The following LRPPRC variants were observed in gnomAD, a reference collection of about 807,000 sequenced individuals.
LRPPRC encodes the protein leucine-rich PPR motif-containing protein, mitochondrial.
In LRPPRC, 120 loss-of-function variants were observed where a neutral mutation model predicts 180.3. That is an observed-to-expected ratio of 0.67 (90% CI 0.57 to 0.77). LRPPRC has a LOEUF of 0.77. LRPPRC is among the 30% of genes least tolerant of loss of function. The probability of loss-of-function intolerance (pLI) is 0.00; values close to 1 mark genes in which losing one functional copy is unlikely to be tolerated. For missense variants in LRPPRC, 2,012 were observed against 1,657.2 expected (o/e 1.21, Z -3.72); for synonymous variants, 723 against 600.0 (o/e 1.21, Z -3.00).
rs992080738 is a variant in LRPPRC, at chr2:43,995,989, G to A, written c.-42C>T. On this transcript the variant is annotated 5_prime_UTR_variant, in exon 1 of 38. Transcript: ENST00000260665. ...CAGCGGGAAGCACGCTCCGCCAGAAGGACAGGAGGAGCATGTGACCGCAGG... is the reference window on the plus strand; with the variant it reads ...CAGCGGGAAGCACGCTCCGCCAGAAAGACAGGAGGAGCATGTGACCGCAGG... The A allele has an allele frequency of 1.9e-5, 29 of 1,521,118 alleles. No individual in the cohort carries two copies. Among genetic ancestry groups the A allele is most frequent in the Middle Eastern group, 2.1e-4 (1 of 4,852 alleles). The allele number at this position is 1,521,118 out of a possible 1,614,324, so 94.2% of individuals were successfully genotyped here.
rs1000510327 is a variant in LRPPRC, at chr2:43,976,333, T to C, written c.651-104A>G. ...AGTTACTTTTGTTTTTAAAATATAA[T>C]AGTAATATACATTTGTTTTAGAAAC... On this transcript the variant is annotated intron_variant, in intron 5 of 37. Coordinates refer to ENST00000260665, the MANE Select transcript of LRPPRC (RefSeq NM_133259.4). 2.7e-5 allele frequency: 19 copies of C among 706,216 alleles called. No homozygotes were observed. In the South Asian group the frequency reaches 2.8e-4, roughly 10 times the overall value. The allele number at this position is 706,216 out of a possible 1,614,324, so 43.7% of individuals were successfully genotyped here.
chr2:43,986,010 G>C (rs925476588), intron 1 of LRPPRC, among the ~76,000 whole-genome samples: 2 of 152,190 alleles, frequency 1.3e-5, no homozygotes, highest in African/African-American at 2.4e-5. Context: ...TTGCCATTCC[G>C]ATAGTGGTAT....
chr2:43,991,618 C>A (rs1050930286), intron 1 of LRPPRC, among the ~76,000 whole-genome samples: 2 of 152,122 alleles, frequency 1.3e-5, no homozygotes, highest in African/African-American at 4.8e-5. Flanking sequence ...TGTGACAAAG[C>A]AAGAGTATTT....
chr2:43,976,178 T>A lies in LRPPRC; in HGVS notation c.702A>T (p.Val234=). ...KTKDLPVTEA[V]FSALVTGHAR... ...CATGCCCTGTCACAAGGGCACTGAA[T>A]ACTGCCTCTGTAACTGGGAGATCCT... is the stretch of plus-strand genomic sequence containing the variant. Residue 234 remains valine, a synonymous_variant, in exon 6 of 38, where the codon GTA becomes GTT. Transcript: ENST00000260665. 2 of 1,613,006 alleles carry A rather than the reference T, an allele frequency of 1.2e-6. No individual in the cohort carries two copies. The highest frequency in any genetic ancestry group is 2.2e-5 in the South Asian group (2 of 91,052).
intron 7 of LRPPRC, 30 bp from the exon 8 acceptor site, chr2:43,974,788 AAGTT>A: frequency 6.2e-7 from 1 of 1,606,266 alleles, no homozygotes; most frequent in Non-Finnish European, 8.5e-7. Flanking sequence ...TTAGAAGACA[AAGTT>A]AGAGTGTTTT....
chr2:43,974,525 C>T, intron 8 of LRPPRC, 89 bp downstream of exon 8: 2 of 973,306 alleles, frequency 2.1e-6, no homozygotes, highest in South Asian at 1.4e-5. Context: ...TCCCACAATG[C>T]CCATTGTTAG....
rs185743894 is a variant in LRPPRC at position 43,912,200 on chromosome 2, G to C, written c.3275+232C>G. ...TGGATATCTTAAATGAATTGTGATGGAATATAACTTAGTAAGCAAAATGTA... is the reference window on the plus strand; with the variant it reads ...TGGATATCTTAAATGAATTGTGATGCAATATAACTTAGTAAGCAAAATGTA... On this transcript the variant is annotated intron_variant, in intron 30 of 37. Coordinates refer to ENST00000260665, the MANE Select transcript of LRPPRC (RefSeq NM_133259.4). Among the ~76,000 whole-genome samples, 1,221 of 152,170 alleles carry C rather than the reference G, an allele frequency of 8.0e-3. 9 individuals are homozygous for C. Among genetic ancestry groups the C allele is most frequent in the Middle Eastern group, 0.014 (4 of 294 alleles).
chr2:43,918,224 A>T, intron 28 of LRPPRC, 32 bp downstream of exon 28: 1 of 1,610,230 alleles, frequency 6.2e-7, no homozygotes, highest in African/African-American at 1.3e-5. Context: ...ACTGACAACA[A>T]AATCTGTTAC....
At position 43,931,682 on chromosome 2, in the gene LRPPRC, GGA is replaced by G. The variant is rs562913793; in HGVS notation, c.2736+2506_2736+2507del. On this transcript the variant is annotated intron_variant, in intron 25 of 37. Transcript: ENST00000260665. ...TCATCTCAAATGCTATGTAAATGAC[GGA>G]GAGAGACCTGAGTTAACAGAAAATA... Among the ~76,000 whole-genome samples, 236 of 152,210 alleles carry G rather than the reference GGA, an allele frequency of 1.6e-3. 2 individuals carry two copies. Among genetic ancestry groups the G allele is most frequent in the African/African-American group, 5.4e-3 (223 of 41,522 alleles).
At position 43,934,929 on chromosome 2, in the gene LRPPRC, G is replaced by C. The variant is rs528501792; in HGVS notation, c.2505-51C>G. On this transcript the variant is annotated intron_variant, in intron 23 of 37. Coordinates refer to ENST00000260665, the MANE Select transcript of LRPPRC (RefSeq NM_133259.4). The stretch of plus-strand genomic sequence containing the variant: ...AATAAAATAAATCGAATTCAGCTTA[G>C]TCTCTTAGTAATACTTTAGAGAGAT... 10 of 1,504,300 alleles carry C rather than the reference G, an allele frequency of 6.6e-6. No homozygotes were observed. In the African/African-American group the frequency reaches 1.2e-4, roughly 19 times the overall value. The allele number at this position is 1,504,300 out of a possible 1,614,324, so 93.2% of individuals were successfully genotyped here.
chr2:43,911,070 C>G (rs1204784715), intron 30 of LRPPRC, among the ~76,000 whole-genome samples: 4 of 151,634 alleles, frequency 2.6e-5, no homozygotes, highest in Non-Finnish European at 5.9e-5. Context: ...ACACCCTTGA[C>G]CTAGTGGTTA....
intron 2 of LRPPRC, among the ~76,000 whole-genome samples, chr2:43,981,276 G>C (rs1167888438): frequency 6.8e-6 from 1 of 148,120 alleles, no homozygotes. Flanking sequence ...TGGAAGGTAA[G>C]AAAAACTAGT....
chr2:43,944,552 A>G (rs1672608864), intron 22 of LRPPRC, among the ~76,000 whole-genome samples: 1 of 152,106 alleles, frequency 6.6e-6, no homozygotes, highest in African/African-American at 2.4e-5. Flanking sequence ...AATCCTTAGA[A>G]AGAGTTAGAA....
intron 30 of LRPPRC, among the ~76,000 whole-genome samples, chr2:43,908,822 A>G (rs1671153578): frequency 6.6e-6 from 1 of 152,190 alleles, no homozygotes; most frequent in African/African-American, 2.4e-5. Context: ...CCACTGAGCC[A>G]CCATGCTCGG....
chr2:43,957,469 C>T lies in LRPPRC; in HGVS notation c.1583-18G>A. The stretch of plus-strand genomic sequence containing the variant: ...TGATTTCACTGCAAAAGAAAATGAC[C>T]ATCATTAAATCTCAGACCAAACAAA... On this transcript the variant is annotated intron_variant, in intron 13 of 37. Coordinates refer to ENST00000260665, the MANE Select transcript of LRPPRC (RefSeq NM_133259.4). The T allele has an allele frequency of 6.3e-7, 1 of 1,595,698 alleles. No individual in the cohort carries two copies. The highest frequency in any genetic ancestry group is 1.1e-5 in the South Asian group (1 of 90,710).
chr2:43,987,223 G>A (rs939406970), intron 1 of LRPPRC, among the ~76,000 whole-genome samples: 17 of 152,076 alleles, frequency 1.1e-4, no homozygotes, highest in Non-Finnish European at 2.2e-4. Flanking sequence ...AGCCGGACGC[G>A]GTGGCTCATG....
chr2:43,922,657 G>C (rs1283925587), intron 27 of LRPPRC, among the ~76,000 whole-genome samples: 3 of 152,192 alleles, frequency 2.0e-5, no homozygotes, highest in Non-Finnish European at 4.4e-5. Flanking sequence ...TACTGGGAAG[G>C]CTGAGGCAAG....
At chr2:43,943,919 C>A (rs1434717742) in intron 22 of LRPPRC, 25 bp from the exon 23 acceptor site, 1 of 1,547,230 alleles carries the variant, frequency 6.5e-7, no homozygotes, top group African/African-American at 1.4e-5. Context: ...CACAAAAGAC[C>A]CTTAGGTAAT....
chr2:43,931,569 G>A (rs1341025690), intron 25 of LRPPRC, among the ~76,000 whole-genome samples: 3 of 152,148 alleles, frequency 2.0e-5, no homozygotes, highest in East Asian at 1.9e-4. Context: ...AAGTGCAGAC[G>A]CACAATTCAT....
Sources: gnomAD v4.1 joint callset for allele counts (sites outside exome capture counted in the v4.1 genomes callset) on GRCh38, gnomAD v4.1.1 for gene constraint, MANE v1.5 for transcripts, NCBI Gene and HGNC (gene_info 2026-07-23, HGNC 2026-07-21) for gene names.